FRMD3: variants seen among roughly 807,000 people sequenced by gnomAD.
FRMD3 encodes the protein FERM domain-containing protein 3.
FRMD3 carries 33 observed loss-of-function variants against 70.2 expected under a neutral mutation model. That is an observed-to-expected ratio of 0.47 (90% CI 0.36 to 0.63). The LOEUF is 0.63. FRMD3 is among the 20% of genes least tolerant of loss of function. FRMD3 has a pLI of 0.00. For missense variants in FRMD3, 632 were observed against 711.4 expected (o/e 0.89, Z 1.27); for synonymous variants, 279 against 255.9 (o/e 1.09, Z -0.86).
chr9:83,411,098 G>C (rs920714430), intron 1 of FRMD3, among the ~76,000 whole-genome samples: 10 of 152,146 alleles, frequency 6.6e-5, no homozygotes, highest in African/African-American at 2.4e-4. Context: ...TCTAGGGCTG[G>C]AACATCACCT....
At chr9:83,384,129 C>G (rs903124449) in intron 2 of FRMD3, among the ~76,000 whole-genome samples, 12 of 152,302 alleles carry the variant, frequency 7.9e-5, no homozygotes, top group African/African-American at 2.4e-4. Context: ...ACCTGTCTGC[C>G]CCTGACACAC....
Position 83,387,006 on chromosome 9 carries a change from T to C in FRMD3, c.252+2598A>G, listed in dbSNP as rs7856806. On this transcript the variant is annotated intron_variant, in intron 2 of 13. Transcript: ENST00000304195. ...TAACATGTGTTTTTACTGGTGATGT[T>C]AATCTTGGTATCTTGGTTAAAGTGC... Among the ~76,000 whole-genome samples, 446 of 152,308 alleles carry C rather than the reference T, an allele frequency of 2.9e-3. 5 individuals are homozygous for C. The highest frequency in any genetic ancestry group is 0.01 in the African/African-American group (416 of 41,574).
the FRMD3 span, among the ~76,000 whole-genome samples, chr9:83,568,333 C>A: frequency 1.3e-5 from 2 of 152,232 alleles, no homozygotes; most frequent in South Asian, 2.1e-4. Flanking sequence ...GGGACACAGA[C>A]AAACCATTTC....
In FRMD3 at chr9:83,426,019, A is replaced by T. The variant is rs1015945512; in HGVS notation, c.148-36311T>A. On this transcript the variant is annotated intron_variant, in intron 1 of 13. Transcript: ENST00000304195. ...CTTAGTCCATAAGAAATGTGTGCAC[A>T]TGTGCTCACAAGCGTGAGCAAACCA... Among the ~76,000 whole-genome samples the T allele has an allele frequency of 3.3e-5, 5 of 152,156 alleles. No individual in the cohort carries two copies. In the South Asian group the frequency reaches 1.0e-3, roughly 32 times the overall value.
At position 83,528,632 on chromosome 9, in the gene FRMD3, C is replaced by T. The variant is rs552511603; in HGVS notation, c.147+9453G>A. ...GCAGCCTCCATCTCCCTAGCTTAAG[C>T]AATCCTCCCACCTCAGCCTCCCAAG... is the stretch of plus-strand genomic sequence containing the variant. On this transcript the variant is annotated intron_variant, in intron 1 of 13. Transcript: ENST00000304195. Among the ~76,000 whole-genome samples, 58 of 152,152 alleles carry T rather than the reference C, an allele frequency of 3.8e-4. 1 individual carries two copies. The South Asian group carries it at 0.012, about 31-fold the overall frequency.
the FRMD3 span, among the ~76,000 whole-genome samples, chr9:83,576,244 A>G: frequency 1.3e-5 from 2 of 152,140 alleles, no homozygotes. Context: ...TTTGTAGCCA[A>G]AAATCAGTTA....
At chr9:83,563,452 T>C in the FRMD3 span, among the ~76,000 whole-genome samples, 1 of 152,170 alleles carries the variant, frequency 6.6e-6, no homozygotes, top group Admixed American at 6.5e-5. Flanking sequence ...TGGGCTCCAA[T>C]GATAAATGAT....
intron 1 of FRMD3, among the ~76,000 whole-genome samples, chr9:83,506,552 T>C (rs1006108089): frequency 5.9e-5 from 9 of 152,108 alleles, no homozygotes; most frequent in Admixed American, 3.3e-4. Flanking sequence ...TTAAAATGGC[T>C]CCCCTATCTA....
chr9:83,451,532 G>C (rs1827657495), intron 1 of FRMD3, among the ~76,000 whole-genome samples: 1 of 152,208 alleles, frequency 6.6e-6, no homozygotes, highest in Non-Finnish European at 1.5e-5. Flanking sequence ...CCACACTGCA[G>C]TTTAGCCTGG....
chr9:83,492,433 C>T (rs1458957500), intron 1 of FRMD3, among the ~76,000 whole-genome samples: 1 of 152,196 alleles, frequency 6.6e-6, no homozygotes, highest in African/African-American at 2.4e-5. Flanking sequence ...AAAACTGGCC[C>T]CAAATGTACT....
At chr9:83,262,662 T>C (rs999457609) in intron 13 of FRMD3, among the ~76,000 whole-genome samples, 2 of 152,156 alleles carry the variant, frequency 1.3e-5, no homozygotes, top group Non-Finnish European at 2.9e-5. Flanking sequence ...TGCCCACCTA[T>C]TGAGGGGTTC....
chr9:83,500,526 A>ACC (rs1829044384), intron 1 of FRMD3, among the ~76,000 whole-genome samples: 1 of 137,062 alleles, frequency 7.3e-6, no homozygotes, highest in African/African-American at 2.5e-5. Flanking sequence ...ACACACACAC[A>ACC]CACACACACA....
intron 6 of FRMD3, among the ~76,000 whole-genome samples, chr9:83,328,249 G>A (rs1004971521): frequency 3.9e-5 from 6 of 152,110 alleles, no homozygotes; most frequent in African/African-American, 1.4e-4. Context: ...AGCAGGGATG[G>A]TGGCAATTCA....
At chr9:83,424,196 G>A (rs1368030046) in intron 1 of FRMD3, among the ~76,000 whole-genome samples, 2 of 152,286 alleles carry the variant, frequency 1.3e-5, no homozygotes, top group Non-Finnish European at 2.9e-5. Flanking sequence ...CAATGACCCT[G>A]TTCAACGCTG....
intron 4 of FRMD3, among the ~76,000 whole-genome samples, chr9:83,344,284 T>C (rs982720680): frequency 2.0e-5 from 3 of 152,224 alleles, no homozygotes; most frequent in Non-Finnish European, 4.4e-5. Flanking sequence ...AAAACCAATG[T>C]TTTTTCTCCT....
chr9:83,521,108 T>C (rs1219243271), intron 1 of FRMD3, among the ~76,000 whole-genome samples: 1 of 150,754 alleles, frequency 6.6e-6, no homozygotes, highest in African/African-American at 2.4e-5. Flanking sequence ...CACTGCACTC[T>C]AGTCTGGGTG....
At chr9:83,354,838 C>T (rs1824283911) in intron 3 of FRMD3, among the ~76,000 whole-genome samples, 1 of 152,204 alleles carries the variant, frequency 6.6e-6, no homozygotes. Context: ...TTTCCCATCC[C>T]CACTCCAATC....
chr9:83,380,615 T>C (rs997935623), intron 2 of FRMD3, among the ~76,000 whole-genome samples: 2 of 152,196 alleles, frequency 1.3e-5, no homozygotes, highest in Non-Finnish European at 2.9e-5. Context: ...TGGTACTTTG[T>C]GACTAAGAAG....
intron 6 of FRMD3, among the ~76,000 whole-genome samples, chr9:83,324,095 AAATT>A (rs1835917621): frequency 6.6e-6 from 1 of 152,242 alleles, no homozygotes; most frequent in Non-Finnish European, 1.5e-5. Flanking sequence ...ATATGATAGA[AAATT>A]AATTACACAG....
Sources: gnomAD v4.1 joint callset for allele counts (sites outside exome capture counted in the v4.1 genomes callset) on GRCh38, gnomAD v4.1.1 for gene constraint, MANE v1.5 for transcripts, NCBI Gene and HGNC (gene_info 2026-07-23, HGNC 2026-07-21) for gene names.